Variants in ZNF385D observed in about 807,000 individuals in gnomAD.
ZNF385D encodes the protein zinc finger protein 659.
A neutral mutation model predicts 35.8 loss-of-function variants in ZNF385D; 15 were observed. The ratio of observed to expected loss-of-function variants is 0.42; its 90% CI spans 0.28 to 0.64. ZNF385D has a LOEUF of 0.64. Ranked by LOEUF, ZNF385D falls within the 30% of genes least tolerant of loss-of-function variation. The probability of loss-of-function intolerance (pLI) is 0.23; values close to 1 mark genes in which losing one functional copy is unlikely to be tolerated. For synonymous variants in ZNF385D, 212 were observed against 186.8 expected (o/e 1.13, Z -1.10); for missense variants, 474 against 494.6 (o/e 0.96, Z 0.39).
intron 2 of ZNF385D, among the ~76,000 whole-genome samples, chr3:21,650,304 G>T (rs1305512619): frequency 6.6e-6 from 1 of 151,978 alleles, no homozygotes; most frequent in Non-Finnish European, 1.5e-5. Context: ...ATTCAATTTG[G>T]AATATTTCTC....
intron 3 of ZNF385D, among the ~76,000 whole-genome samples, chr3:22,094,126 G>A (rs1281289966): frequency 1.3e-5 from 2 of 151,786 alleles, no homozygotes; most frequent in Non-Finnish European, 2.9e-5. Flanking sequence ...AAAAATACGT[G>A]TCATTGCTTT....
rs76739500 is a variant in ZNF385D, at chr3:22,277,856, T to C, written c.106+94594A>G. ...AAAGAGCGAGGATATTTAAGGCATG[T>C]GGGAAGGCCCTGATATGAATTAAGG... On this transcript the variant is annotated intron_variant, in intron 2 of 5. Transcript: ENST00000494108. Among the ~76,000 whole-genome samples the C allele has an allele frequency of 4.8e-3, 738 of 152,188 alleles. 3 individuals are homozygous for C. The highest frequency in any genetic ancestry group is 0.017 in the African/African-American group (703 of 41,558).
In ZNF385D at chr3:21,751,069, T is replaced by C. The variant is rs1253720895; in HGVS notation, c.-153A>G. ...CCGAGAGCGTGCCTCCTCCGCGGGA[T>C]GAGCGCCTTGCAGGCTGCCTTTCCA... On this transcript the variant is annotated 5_prime_UTR_variant, in exon 1 of 8. Transcript: ENST00000281523. 3.4e-5 allele frequency: 51 copies of C among 1,517,548 alleles called. No homozygotes were observed. The highest frequency in any genetic ancestry group is 4.1e-5 in the African/African-American group (3 of 72,486). 94.0% of individuals were successfully genotyped at this position (1,517,548 alleles called of 1,614,324 possible). A position where few individuals can be genotyped will look rare whatever the true frequency, so the allele number is the denominator to read the frequency against.
At chr3:21,994,088 T>G (rs1312922036) in intron 3 of ZNF385D, among the ~76,000 whole-genome samples, 1 of 152,222 alleles carries the variant, frequency 6.6e-6, no homozygotes, top group Non-Finnish European at 1.5e-5. Flanking sequence ...ACTTTCTTAC[T>G]GAGATCCTTC....
chr3:22,047,076 T>C (rs917052467), intron 3 of ZNF385D, among the ~76,000 whole-genome samples: 6 of 152,142 alleles, frequency 3.9e-5, no homozygotes, highest in African/African-American at 1.4e-4. Flanking sequence ...GTTCACCTGA[T>C]TTCTCTGTCA....
rs886069560 is a variant in ZNF385D at position 22,079,259 on chromosome 3, C to A, written c.325+89558G>T. The stretch of plus-strand genomic sequence containing the variant: ...TAAAAGAAATATAATTGCAACAAAC[C>A]AAACAAATTGATCAAATGATATATC... On this transcript the variant is annotated intron_variant, in intron 3 of 5. Coordinates refer to the ZNF385D transcript ENST00000494108. 2.9e-5 allele frequency among the ~76,000 whole-genome samples: 4 copies of A among 139,994 alleles called. No individual in the cohort carries two copies. The South Asian group carries it at 9.4e-4, about 33-fold the overall frequency. The allele number at this position is 139,994 out of a possible 152,430, so 91.8% of individuals were successfully genotyped here.
rs541756720 is a variant in ZNF385D, at chr3:22,210,398, G to T, written c.107-41363C>A. On this transcript the variant is annotated intron_variant, in intron 2 of 5. Transcript: ENST00000494108. Reference sequence around the variant, plus strand: ...CAACCACAGGTGAGTTGAGAATTAGGCAAGTATAATTTTATTTAACACGAA... The same window carrying T: ...CAACCACAGGTGAGTTGAGAATTAGTCAAGTATAATTTTATTTAACACGAA... Among the ~76,000 whole-genome samples the T allele has an allele frequency of 4.0e-5, 6 of 151,850 alleles. No individual in the cohort carries two copies. In the East Asian group the frequency reaches 1.2e-3, roughly 29 times the overall value.
intron 3 of ZNF385D, among the ~76,000 whole-genome samples, chr3:22,091,004 T>C (rs1040665447): frequency 3.9e-5 from 6 of 152,120 alleles, no homozygotes; most frequent in African/African-American, 1.4e-4. Context: ...CATGCTAATA[T>C]ATACCAATAG....
chr3:21,955,192 A>C (rs962238244), intron 3 of ZNF385D, among the ~76,000 whole-genome samples: 3 of 152,178 alleles, frequency 2.0e-5, no homozygotes, highest in Non-Finnish European at 2.9e-5. Flanking sequence ...AGTAACATAA[A>C]TGTGGATGCA....
At chr3:21,726,010 A>G (rs1187867128) in intron 1 of ZNF385D, among the ~76,000 whole-genome samples, 1 of 152,194 alleles carries the variant, frequency 6.6e-6, no homozygotes, top group East Asian at 1.9e-4. Context: ...CTGGGAGGCA[A>G]GGCTGGTTCA....
At chr3:22,279,000 C>A (rs1440948651) in intron 2 of ZNF385D, among the ~76,000 whole-genome samples, 2 of 152,062 alleles carry the variant, frequency 1.3e-5, no homozygotes, top group African/African-American at 4.8e-5. Flanking sequence ...TTGGACCTAG[C>A]CCTTCTACAT....
At position 21,889,205 on chromosome 3, in the gene ZNF385D, T is replaced by C. The variant is rs138981605; in HGVS notation, c.326-224177A>G. ...ATACCTGAAGCAGCTTTAGTCCCACTGATCATATTAAAGGTCTTTGTTTCT... is the reference window on the plus strand; with the variant it reads ...ATACCTGAAGCAGCTTTAGTCCCACCGATCATATTAAAGGTCTTTGTTTCT... On this transcript the variant is annotated intron_variant, in intron 3 of 5. Coordinates refer to the ZNF385D transcript ENST00000494108. Among the ~76,000 whole-genome samples the C allele has an allele frequency of 3.1e-3, 470 of 152,304 alleles. 1 individual carries two copies. Among genetic ancestry groups the C allele is most frequent in the Non-Finnish European group, 4.7e-3 (321 of 68,024 alleles).
intron 3 of ZNF385D, among the ~76,000 whole-genome samples, chr3:21,874,442 C>T (rs1697858478): frequency 6.6e-6 from 1 of 151,830 alleles, no homozygotes; most frequent in Admixed American, 6.6e-5. Context: ...ATATTTTCTC[C>T]CACTCTGTAT....
intron 3 of ZNF385D, chr3:22,133,717 A>G (rs1703939195): frequency 6.6e-6 from 1 of 152,020 alleles, no homozygotes. Context: ...AATTCAGAAA[A>G]GAAGTAAGAC....
At chr3:22,043,999 G>A (rs1215518625) in intron 3 of ZNF385D, among the ~76,000 whole-genome samples, 2 of 151,948 alleles carry the variant, frequency 1.3e-5, no homozygotes, top group Non-Finnish European at 2.9e-5. Flanking sequence ...AGGTAGAAGT[G>A]ACAGCAAATA....
chr3:22,049,008 G>A (rs1576227682), intron 3 of ZNF385D, among the ~76,000 whole-genome samples: 1 of 152,006 alleles, frequency 6.6e-6, no homozygotes. Context: ...TAGAAATGCT[G>A]TTAATTGGCC....
At chr3:22,002,939 T>A (rs1253552396) in intron 3 of ZNF385D, among the ~76,000 whole-genome samples, 2 of 151,880 alleles carry the variant, frequency 1.3e-5, no homozygotes, top group African/African-American at 4.8e-5. Context: ...ATAATAAAGG[T>A]CATATATGAC....
intron 2 of ZNF385D, among the ~76,000 whole-genome samples, chr3:21,588,299 T>C (rs953574556): frequency 8.5e-5 from 13 of 152,186 alleles, no homozygotes; most frequent in Non-Finnish European, 1.9e-4. Context: ...TCAGTAGTTT[T>C]ATTAGGTTCA....
chr3:22,240,848 C>T (rs1490441792), intron 2 of ZNF385D, among the ~76,000 whole-genome samples: 2 of 150,958 alleles, frequency 1.3e-5, no homozygotes, highest in African/African-American at 4.9e-5. Flanking sequence ...CTTGGCCCTC[C>T]TTACCTACAC....
Sources: gnomAD v4.1 joint callset for allele counts (sites outside exome capture counted in the v4.1 genomes callset) on GRCh38, gnomAD v4.1.1 for gene constraint, MANE v1.5 for transcripts, NCBI Gene and HGNC (gene_info 2026-07-23, HGNC 2026-07-21) for gene names.